SAMMSON: variants seen among roughly 807,000 people sequenced by gnomAD.
SAMMSON encodes the protein long intergenic non-protein coding RNA 1212.
rs544806853 is a variant in SAMMSON, at chr3:70,201,368, G to A, written n.508-47739G>A. Among the ~76,000 whole-genome samples, 35 of 152,252 alleles carry A rather than the reference G, an allele frequency of 2.3e-4. 1 individual carries two copies. The highest frequency in any genetic ancestry group is 1.7e-3 in the South Asian group (8 of 4,822). On this transcript the variant is annotated intron_variant and non_coding_transcript_variant, in intron 4 of 9. Transcript: ENST00000642114. The stretch of plus-strand genomic sequence containing the variant: ...CAGCTCCATCCAAGTTCCTGCAAAG[G>A]ACATGATCTTGTTCTTTTTTACAGC...
intron 4 of SAMMSON, among the ~76,000 whole-genome samples, chr3:70,119,936 A>G (rs2067425915): frequency 1.3e-5 from 2 of 152,144 alleles, no homozygotes. Flanking sequence ...ATAAATGCCC[A>G]GTGGATAGAT....
intron 7 of SAMMSON, among the ~76,000 whole-genome samples, chr3:70,342,032 A>G (rs2106729306): frequency 6.6e-6 from 1 of 152,256 alleles, no homozygotes; most frequent in Admixed American, 6.5e-5. Flanking sequence ...TCAATCCTCA[A>G]ATCCTCTTGT....
chr3:70,270,614 T>C (rs1197712437), intron 6 of SAMMSON, among the ~76,000 whole-genome samples: 1 of 152,170 alleles, frequency 6.6e-6, no homozygotes, highest in African/African-American at 2.4e-5. Context: ...GGGTTTTCTC[T>C]ATGTATATAC....
At chr3:70,112,110 G>A (rs1056013229) in intron 4 of SAMMSON, among the ~76,000 whole-genome samples, 4 of 152,062 alleles carry the variant, frequency 2.6e-5, no homozygotes, top group African/African-American at 9.7e-5. Flanking sequence ...AGCAGGGTAA[G>A]CAAAAATAAT....
intron 2 of SAMMSON, among the ~76,000 whole-genome samples, chr3:70,422,426 C>T (rs561964810): frequency 7.4e-4 from 113 of 151,962 alleles, no homozygotes; most frequent in African/African-American, 2.7e-3. Flanking sequence ...TATTACTTGT[C>T]TCTGATTTAA....
chr3:70,343,701 C>T (rs148999796), intron 7 of SAMMSON, among the ~76,000 whole-genome samples: 19 of 151,920 alleles, frequency 1.3e-4, no homozygotes, highest in Middle Eastern at 3.4e-3. Flanking sequence ...TACTGTACTC[C>T]GCAGAAGCAA....
intron 1 of SAMMSON, among the ~76,000 whole-genome samples, chr3:70,008,066 A>G (rs1186917699): frequency 2.6e-5 from 4 of 152,080 alleles, no homozygotes; most frequent in Middle Eastern, 3.2e-3. Flanking sequence ...GTGTAGTTTG[A>G]AGTCAGGTAG....
At chr3:70,429,258 C>G (rs1701394490) in intron 2 of SAMMSON, among the ~76,000 whole-genome samples, 1 of 152,080 alleles carries the variant, frequency 6.6e-6, no homozygotes, top group Non-Finnish European at 1.5e-5. Context: ...TCAGGATTCT[C>G]AAAGATCAGA....
intron 7 of SAMMSON, among the ~76,000 whole-genome samples, chr3:70,297,998 A>C (rs1702306118): frequency 6.6e-6 from 1 of 152,090 alleles, no homozygotes; most frequent in Non-Finnish European, 1.5e-5. Context: ...ATTTTTAAAA[A>C]TTCTAAATAT....
intron 2 of SAMMSON, among the ~76,000 whole-genome samples, chr3:70,403,829 C>G (rs1701159334): frequency 6.6e-6 from 1 of 152,014 alleles, no homozygotes; most frequent in African/African-American, 2.4e-5. Flanking sequence ...ATAATGTATA[C>G]AGATAAGTAT....
intron 7 of SAMMSON, among the ~76,000 whole-genome samples, chr3:70,316,833 C>A (rs1184739423): frequency 6.6e-6 from 1 of 152,022 alleles, no homozygotes; most frequent in Non-Finnish European, 1.5e-5. Flanking sequence ...CTCAGTGTTA[C>A]AAAATGCATT....
intron 3 of SAMMSON, among the ~76,000 whole-genome samples, chr3:70,057,657 AGT>A (rs35757148): frequency 0.021 from 3,168 of 148,510 alleles, 32 homozygotes; most frequent in Middle Eastern, 0.059. Flanking sequence ...TATATGGATG[AGT>A]GTGTGTGTGT....
intron 4 of SAMMSON, among the ~76,000 whole-genome samples, chr3:70,132,836 C>T (rs1166494145): frequency 6.6e-6 from 1 of 150,488 alleles, no homozygotes; most frequent in Admixed American, 6.6e-5. Flanking sequence ...AGTTGACAAT[C>T]AATGTGCAAT....
intron 2 of SAMMSON, among the ~76,000 whole-genome samples, chr3:70,412,606 A>G (rs746589976): frequency 2.0e-5 from 3 of 152,194 alleles, no homozygotes; most frequent in Non-Finnish European, 4.4e-5. Flanking sequence ...AGCACAGATC[A>G]ACAGCACATT....
chr3:70,149,174 T>A (rs1291810137), intron 4 of SAMMSON, among the ~76,000 whole-genome samples: 1 of 152,116 alleles, frequency 6.6e-6, no homozygotes, highest in Non-Finnish European at 1.5e-5. Flanking sequence ...TTTTAAAATC[T>A]TTCTTATAGC....
intron 1 of SAMMSON, among the ~76,000 whole-genome samples, chr3:70,000,047 TC>T (rs1031324756): frequency 6.6e-6 from 1 of 152,068 alleles, no homozygotes; most frequent in Non-Finnish European, 1.5e-5. Flanking sequence ...AGGCGAGAAA[TC>T]CGGGGATACA....
intron 6 of SAMMSON, among the ~76,000 whole-genome samples, chr3:70,278,977 G>A (rs1702054995): frequency 6.6e-6 from 1 of 151,470 alleles, no homozygotes. Context: ...AAGGAAAACA[G>A]TGAAGTGGCT....
In SAMMSON at chr3:70,133,285, C is replaced by T. The variant is rs142821847; in HGVS notation, n.507+61720C>T. ...GGCTGATGATTTAATCAATCAGGCC[C>T]GCATAAGGAAGCCTTCATAAAAACG... is the stretch of plus-strand genomic sequence containing the variant. On this transcript the variant is annotated intron_variant and non_coding_transcript_variant, in intron 4 of 9. Coordinates refer to ENST00000642114, the Ensembl canonical transcript of SAMMSON. Among the ~76,000 whole-genome samples, 123 of 152,138 alleles carry T rather than the reference C, an allele frequency of 8.1e-4. 3 individuals are homozygous for T. In the South Asian group the frequency reaches 0.022, roughly 28 times the overall value.
intron 9 of SAMMSON, among the ~76,000 whole-genome samples, chr3:70,389,176 C>T (rs1435552147): frequency 1.3e-5 from 2 of 152,050 alleles, no homozygotes; most frequent in Non-Finnish European, 2.9e-5. Flanking sequence ...TTTCCAGCCA[C>T]CAGAATTGTT....
Sources: gnomAD v4.1 joint callset for allele counts (sites outside exome capture counted in the v4.1 genomes callset) on GRCh38, gnomAD v4.1.1 for gene constraint, MANE v1.5 for transcripts, NCBI Gene and HGNC (gene_info 2026-07-23, HGNC 2026-07-21) for gene names.